The following OPCML variants were observed in gnomAD, a reference collection of about 807,000 sequenced individuals.
The protein encoded by OPCML is opioid binding protein/cell adhesion molecule like, also known as opioid-binding protein/cell adhesion molecule.
In OPCML, 13 loss-of-function variants were observed where a neutral mutation model predicts 37.8. That is an observed-to-expected ratio of 0.34 (90% CI 0.22 to 0.55). OPCML has a LOEUF of 0.55. OPCML is among the 20% of genes least tolerant of loss of function. The pLI, the probability that OPCML is intolerant of heterozygous loss-of-function variation, is 0.91. For synonymous variants in OPCML, 176 were observed against 168.8 expected (o/e 1.04, Z -0.33); for missense variants, 341 against 435.6 (o/e 0.78, Z 1.93).
At chr11:132,661,380 T>C (rs1379084679) in intron 2 of OPCML, among the ~76,000 whole-genome samples, 1 of 152,194 alleles carries the variant, frequency 6.6e-6, no homozygotes, top group Non-Finnish European at 1.5e-5. Flanking sequence ...GATGTTGCTC[T>C]GCTTCAAAAG....
At chr11:132,444,297 C>A (rs780469876) in intron 4 of OPCML, among the ~76,000 whole-genome samples, 5 of 152,172 alleles carry the variant, frequency 3.3e-5, no homozygotes, top group Non-Finnish European at 7.3e-5. Context: ...CCTCTAGAAA[C>A]CTGTGAGGGT....
chr11:132,646,412 ACTT>A (rs1236444358), intron 3 of OPCML, among the ~76,000 whole-genome samples: 12 of 152,224 alleles, frequency 7.9e-5, no homozygotes, highest in Non-Finnish European at 1.6e-4. Context: ...TTTTGACTTG[ACTT>A]CATTGTCAAC....
intron 4 of OPCML, among the ~76,000 whole-genome samples, chr11:132,494,981 A>C (rs578062901): frequency 6.6e-6 from 1 of 151,722 alleles, no homozygotes; most frequent in Admixed American, 6.6e-5. Flanking sequence ...CATTTCGACT[A>C]CAAAGGATTT....
intron 2 of OPCML, among the ~76,000 whole-genome samples, chr11:132,748,866 G>A (rs534816477): frequency 2.6e-5 from 4 of 152,308 alleles, no homozygotes; most frequent in African/African-American, 7.2e-5. Context: ...TCCACAGGGC[G>A]GCTGAGGTGA....
chr11:132,453,164 G>C (rs1417094133), intron 4 of OPCML, among the ~76,000 whole-genome samples: 1 of 152,178 alleles, frequency 6.6e-6, no homozygotes, highest in Non-Finnish European at 1.5e-5. Context: ...CTTCGCATTT[G>C]TCATGTTAGA....
chr11:132,915,850 T>C (rs995230518), intron 2 of OPCML, among the ~76,000 whole-genome samples: 4 of 152,240 alleles, frequency 2.6e-5, no homozygotes, highest in Admixed American at 6.5e-5. Flanking sequence ...GACTGTTCTT[T>C]ATATAATCTA....
chr11:133,458,024 C>T (rs7120566), intron 1 of OPCML, among the ~76,000 whole-genome samples: 55,519 of 151,552 alleles, frequency 0.37, 15,677 homozygotes, highest in African/African-American at 0.79. Context: ...CATGCACCTG[C>T]AATCCGAGCT....
intron 1 of OPCML, among the ~76,000 whole-genome samples, chr11:132,975,707 T>C (rs181146597): frequency 6.6e-6 from 1 of 152,206 alleles, no homozygotes; most frequent in Non-Finnish European, 1.5e-5. Flanking sequence ...TTTTTTGCAC[T>C]CTGCATCCCC....
intron 4 of OPCML, among the ~76,000 whole-genome samples, chr11:132,489,573 A>G (rs2096209663): frequency 6.6e-6 from 1 of 152,196 alleles, no homozygotes; most frequent in Non-Finnish European, 1.5e-5. Context: ...GCATTGTGCT[A>G]AGACCTTAGG....
intron 1 of OPCML, chr11:133,007,856 G>C: frequency 1.0e-6 from 1 of 985,418 alleles, no homozygotes; most frequent in Non-Finnish European, 1.2e-6. Flanking sequence ...GGCAATTTTA[G>C]AACAAAAGAT....
intron 1 of OPCML, among the ~76,000 whole-genome samples, chr11:133,496,369 C>G (rs1183693801): frequency 6.6e-6 from 1 of 152,106 alleles, no homozygotes; most frequent in African/African-American, 2.4e-5. Flanking sequence ...CTTAATCTTG[C>G]TTTGGCTATG....
At chr11:133,234,148 T>C (rs922874364) in intron 1 of OPCML, among the ~76,000 whole-genome samples, 4 of 152,172 alleles carry the variant, frequency 2.6e-5, no homozygotes, top group African/African-American at 9.7e-5. Flanking sequence ...TTGTCCATAT[T>C]GATGGAAACT....
chr11:132,733,918 T>A (rs115495585), intron 2 of OPCML, among the ~76,000 whole-genome samples: 1 of 152,310 alleles, frequency 6.6e-6, no homozygotes, highest in African/African-American at 2.4e-5. Context: ...AAGTCAGAGT[T>A]AAAATCTCAA....
intron 1 of OPCML, among the ~76,000 whole-genome samples, chr11:133,459,186 A>G (rs1300800293): frequency 6.6e-6 from 1 of 152,120 alleles, no homozygotes; most frequent in African/African-American, 2.4e-5. Context: ...AATGTTATAT[A>G]TAATCCCCAT....
At chr11:132,422,149 AATT>A (rs1183132958) in intron 7 of OPCML, among the ~76,000 whole-genome samples, 1 of 151,894 alleles carries the variant, frequency 6.6e-6, no homozygotes, top group Non-Finnish European at 1.5e-5. Context: ...GTCTTTGTCT[AATT>A]ATTATTTTGA....
chr11:132,806,878 T>C (rs2136216493), intron 2 of OPCML, among the ~76,000 whole-genome samples: 1 of 152,250 alleles, frequency 6.6e-6, no homozygotes, highest in Middle Eastern at 3.4e-3. Context: ...CTGAATACAA[T>C]TTAAAGCCTG....
At chr11:132,802,600 A>T (rs143174461) in intron 2 of OPCML, among the ~76,000 whole-genome samples, 1 of 145,796 alleles carries the variant, frequency 6.9e-6, no homozygotes, top group African/African-American at 2.5e-5. Context: ...CATAACAAAT[A>T]CCAACAGCAG....
At chr11:132,835,439 A>G (rs562078677) in intron 2 of OPCML, among the ~76,000 whole-genome samples, 1 of 152,350 alleles carries the variant, frequency 6.6e-6, no homozygotes, top group Non-Finnish European at 1.5e-5. Context: ...ATGCCTCCTG[A>G]ATACATTAAT....
rs548595370 is a variant in OPCML at position 133,122,215 on chromosome 11, T to C, written c.62-179205A>G. 3.3e-5 allele frequency among the ~76,000 whole-genome samples: 5 copies of C among 152,306 alleles called. No individual in the cohort carries two copies. The South Asian group carries it at 1.0e-3, about 32-fold the overall frequency. On this transcript the variant is annotated intron_variant, in intron 1 of 7. Coordinates refer to ENST00000524381, the MANE Select transcript of OPCML (RefSeq NM_001012393.5). The stretch of plus-strand genomic sequence containing the variant: ...AAGAGCATGCATGGTGGTAATCATA[T>C]AGACATGGACGGAGCTTGGGATTCT...
Sources: gnomAD v4.1 joint callset for allele counts (sites outside exome capture counted in the v4.1 genomes callset) on GRCh38, gnomAD v4.1.1 for gene constraint, MANE v1.5 for transcripts, NCBI Gene and HGNC (gene_info 2026-07-23, HGNC 2026-07-21) for gene names.